The following KDM4C variants were observed in gnomAD, a reference collection of about 807,000 sequenced individuals.
KDM4C encodes lysine-specific demethylase 4C.
Under a neutral mutation model 129.3 loss-of-function variants are expected in KDM4C, and 81 were observed. The ratio of observed to expected loss-of-function variants is 0.63; its 90% confidence interval spans 0.52 to 0.75. The LOEUF is 0.75. Ranked by LOEUF, KDM4C falls within the 30% of genes least tolerant of loss-of-function variation. The pLI, the probability that KDM4C is intolerant of heterozygous loss-of-function variation, is 0.00. For synonymous variants in KDM4C, 573 were observed against 456.1 expected, an observed-to-expected ratio of 1.26 and a Z score of -3.26; for missense variants, 1,457 against 1,304.0, an observed-to-expected ratio of 1.12 and a Z score of -1.81.
chr9:6,758,322 C>T lies in KDM4C; in HGVS notation c.-18+119C>T, dbSNP rs995551366. 3.7e-6 allele frequency: 2 copies of T among 540,926 alleles called. No individual in the cohort carries two copies. The highest frequency in any genetic ancestry group is 4.7e-6 in the Non-Finnish European group (2 of 423,886). The allele number at this position is 540,926 out of a possible 1,614,324, so 33.5% of individuals were successfully genotyped here. A position where few individuals can be genotyped will look rare whatever the true frequency, so the allele number is the denominator to read the frequency against. On this transcript the variant is annotated intron_variant, in intron 1 of 21. Transcript: ENST00000381309. The surrounding 1 kb of genome is among the most constrained non-coding windows in gnomAD (Gnocchi z 4.6). ...GCGGGCGTCCGGGCGAGCGGCGACG[C>T]TGGGGCAGAGACGCTCCGTCCGTGA...
chr9:6,971,483 T>G (rs1422015609), intron 8 of KDM4C, among the ~76,000 whole-genome samples: 2 of 152,198 alleles, frequency 1.3e-5, no homozygotes, highest in Non-Finnish European at 2.9e-5. Context: ...CCAAATCACT[T>G]TCTAGATTTT....
chr9:6,919,226 C>CT (rs760274216), intron 8 of KDM4C, among the ~76,000 whole-genome samples: 1 of 83,156 alleles, frequency 1.2e-5, no homozygotes, highest in Non-Finnish European at 2.7e-5. Context: ...CTTTTTCCTT[C>CT]TTTCTTTCTT....
chr9:6,925,609 A>G (rs1822347631), intron 8 of KDM4C: 1 of 985,300 alleles, frequency 1.0e-6, no homozygotes, highest in Admixed American at 6.2e-5. Flanking sequence ...TCAGTTCTAA[A>G]ACCGTCTTGG....
At chr9:7,043,216 C>T (rs1828879957) in intron 15 of KDM4C, among the ~76,000 whole-genome samples, 1 of 151,972 alleles carries the variant, frequency 6.6e-6, no homozygotes, top group South Asian at 2.1e-4. Context: ...ATACATGTCT[C>T]TGTTCTTCTA....
At chr9:6,966,706 G>A (rs1054902398) in intron 8 of KDM4C, among the ~76,000 whole-genome samples, 1 of 152,014 alleles carries the variant, frequency 6.6e-6, no homozygotes, top group Non-Finnish European at 1.5e-5. Context: ...TTTGTCAAAG[G>A]CATCCAACCA....
chr9:6,794,343 A>T (rs577974719), intron 2 of KDM4C, among the ~76,000 whole-genome samples: 1 of 152,346 alleles, frequency 6.6e-6, no homozygotes, highest in South Asian at 2.1e-4. Context: ...AAGAATAGCA[A>T]GTCCAGCGGC....
intron 5 of KDM4C, among the ~76,000 whole-genome samples, chr9:6,875,019 G>GA (rs1843342706): frequency 6.6e-6 from 1 of 152,006 alleles, no homozygotes; most frequent in Non-Finnish European, 1.5e-5. Context: ...GATTGAGGAT[G>GA]CAGTTGCTGG....
chr9:7,104,122 G>A (rs1213237388), intron 18 of KDM4C: 1 of 439,904 alleles, frequency 2.3e-6, no homozygotes, highest in African/African-American at 2.0e-5. Context: ...ACAGATGCAT[G>A]CAGAAAACTC....
chr9:7,107,003 C>CT (rs1424402164), intron 18 of KDM4C, among the ~76,000 whole-genome samples: 1 of 152,088 alleles, frequency 6.6e-6, no homozygotes, highest in Non-Finnish European at 1.5e-5. Flanking sequence ...AAGTACACAG[C>CT]TGATCCCTGT....
intron 5 of KDM4C, among the ~76,000 whole-genome samples, chr9:6,859,201 G>A (rs952892952): frequency 3.3e-5 from 5 of 152,114 alleles, no homozygotes; most frequent in Admixed American, 1.3e-4. Flanking sequence ...CTGGTGGCCG[G>A]GTACGGTGGT....
intron 18 of KDM4C, among the ~76,000 whole-genome samples, chr9:7,121,465 G>A (rs983669848): frequency 3.9e-5 from 6 of 152,162 alleles, no homozygotes; most frequent in African/African-American, 1.4e-4. Flanking sequence ...TTTGGCCAGT[G>A]CAAGCTAAGC....
intron 17 of KDM4C, among the ~76,000 whole-genome samples, chr9:7,072,473 C>T: frequency 6.6e-6 from 1 of 152,166 alleles, no homozygotes; most frequent in East Asian, 1.9e-4. Context: ...TTTCATCAAC[C>T]ATGGATGAAT....
intron 4 of KDM4C, among the ~76,000 whole-genome samples, chr9:6,832,465 A>G (rs939953409): frequency 8.3e-6 from 1 of 121,142 alleles, no homozygotes; most frequent in African/African-American, 3.3e-5. Context: ...TCGCTCTGTC[A>G]CCCAGGCTGG....
chr9:7,024,775 A>G (rs1230248943), intron 15 of KDM4C, among the ~76,000 whole-genome samples: 1 of 152,186 alleles, frequency 6.6e-6, no homozygotes, highest in Non-Finnish European at 1.5e-5. Flanking sequence ...GCTATTGTGA[A>G]TAGTGCTGCA....
intron 6 of KDM4C, among the ~76,000 whole-genome samples, chr9:6,883,984 C>A (rs1375601163): frequency 6.6e-6 from 1 of 152,132 alleles, no homozygotes; most frequent in African/African-American, 2.4e-5. Flanking sequence ...TTTTAAATCT[C>A]GGTTTTCTGC....
At chr9:6,918,440 A>T (rs929937726) in intron 8 of KDM4C, among the ~76,000 whole-genome samples, 3 of 152,186 alleles carry the variant, frequency 2.0e-5, no homozygotes, top group Non-Finnish European at 4.4e-5. Context: ...ACTTAGGTTT[A>T]GTCCATGTTT....
intron 12 of KDM4C, among the ~76,000 whole-genome samples, chr9:6,996,661 C>T (rs1228129638): frequency 6.6e-6 from 1 of 152,304 alleles, no homozygotes; most frequent in South Asian, 2.1e-4. Context: ...CACAGTGATA[C>T]TCCTCTGCTC....
rs1009120424 is a variant in KDM4C, at chr9:6,944,939, G to T, written c.922-35986G>T. 2.0e-5 allele frequency among the ~76,000 whole-genome samples: 3 copies of T among 152,100 alleles called. No individual in the cohort carries two copies. The East Asian group carries it at 5.8e-4, about 29-fold the overall frequency. On this transcript the variant is annotated intron_variant, in intron 8 of 21. Transcript: ENST00000381309. ...TTACTCAAATTAGCTGGAACTAGAGGTGTTGGGTTATTCCTGTGGTTTGTA... is the reference window on the plus strand; with the variant it reads ...TTACTCAAATTAGCTGGAACTAGAGTTGTTGGGTTATTCCTGTGGTTTGTA...
intron 10 of KDM4C, among the ~76,000 whole-genome samples, chr9:6,986,143 G>A (rs1186900489): frequency 6.6e-6 from 1 of 152,194 alleles, no homozygotes; most frequent in African/African-American, 2.4e-5. Context: ...TAATACTTGA[G>A]TAGAAGAACT....
Sources: allele counts gnomAD v4.1 joint callset (sites outside exome capture counted in the v4.1 genomes callset), GRCh38; gene constraint gnomAD v4.1.1; non-coding constraint Gnocchi (gnomAD v3.1); transcripts MANE v1.5; gene names NCBI Gene and HGNC (gene_info 2026-07-23, HGNC 2026-07-21).